Variants in EPHA5 observed in about 807,000 individuals in gnomAD.
EPHA5 encodes the protein EPH receptor A5.
EPHA5 carries 60 observed loss-of-function variants against 105.0 expected under a neutral mutation model. The observed-to-expected ratio is 0.57, with a 90% CI of 0.46 to 0.71. The LOEUF (loss-of-function observed/expected upper bound fraction) is 0.71, where lower values mean the gene tolerates loss of function less well. Among genes scored for constraint, EPHA5 ranks in the 30% least tolerant of loss-of-function variants. The probability of loss-of-function intolerance (pLI) is 0.00; values close to 1 mark genes in which losing one functional copy is unlikely to be tolerated. For missense variants in EPHA5, 1,218 were observed against 1,274.7 expected (o/e 0.96, Z 0.68); for synonymous variants, 513 against 449.1 (o/e 1.14, Z -1.80).
chr4:65,552,433 T>A (rs1184817398), intron 3 of EPHA5, among the ~76,000 whole-genome samples: 1 of 152,172 alleles, frequency 6.6e-6, no homozygotes, highest in African/African-American at 2.4e-5. Context: ...GAAAATCAGA[T>A]AATTTTCTGG....
At chr4:65,560,446 G>T (rs866550045) in intron 3 of EPHA5, among the ~76,000 whole-genome samples, 1 of 151,992 alleles carries the variant, frequency 6.6e-6, no homozygotes, top group African/African-American at 2.4e-5. Context: ...TTGTTCTGAA[G>T]ATCTTTTCAA....
intron 5 of EPHA5, among the ~76,000 whole-genome samples, chr4:65,448,763 A>T (rs1288398249): frequency 6.6e-6 from 1 of 152,210 alleles, no homozygotes; most frequent in Admixed American, 6.6e-5. Flanking sequence ...ATGTGAGTGT[A>T]TTATATATTA....
At chr4:65,543,756 A>G (rs1009984970) in intron 3 of EPHA5, among the ~76,000 whole-genome samples, 47 of 151,914 alleles carry the variant, frequency 3.1e-4, no homozygotes, top group African/African-American at 1.1e-3. Flanking sequence ...AAAAGAGCCT[A>G]CATAGCCAAG....
chr4:65,557,233 G>GAGATAT (rs1553938489), intron 3 of EPHA5, among the ~76,000 whole-genome samples: 2 of 90,944 alleles, frequency 2.2e-5, no homozygotes, highest in South Asian at 4.3e-4. Context: ...TTTATACTGG[G>GAGATAT]ATATATATAT....
intron 5 of EPHA5, among the ~76,000 whole-genome samples, chr4:65,466,456 G>A (rs139363629): frequency 9.2e-5 from 14 of 152,308 alleles, no homozygotes; most frequent in Non-Finnish European, 1.9e-4. Flanking sequence ...GTAAGATGGC[G>A]AGTCATTAGA....
At chr4:65,512,128 C>T (rs1733685256) in intron 3 of EPHA5, among the ~76,000 whole-genome samples, 2 of 152,086 alleles carry the variant, frequency 1.3e-5, no homozygotes. Flanking sequence ...GGGTCATAGT[C>T]TGCCTGAATG....
At chr4:65,491,414 A>T (rs1300343322) in intron 4 of EPHA5, among the ~76,000 whole-genome samples, 1 of 152,100 alleles carries the variant, frequency 6.6e-6, no homozygotes. Flanking sequence ...TTTAAAAATA[A>T]CCCTGAAAAG....
intron 8 of EPHA5, among the ~76,000 whole-genome samples, chr4:65,374,930 G>C (rs1718842805): frequency 6.6e-6 from 1 of 151,778 alleles, no homozygotes; most frequent in Non-Finnish European, 1.5e-5. Context: ...GACTCTCCTA[G>C]ATAAATGATT....
intron 8 of EPHA5, among the ~76,000 whole-genome samples, chr4:65,396,346 T>C (rs950481921): frequency 6.6e-6 from 1 of 152,192 alleles, no homozygotes; most frequent in Non-Finnish European, 1.5e-5. Context: ...CTGACAGTTA[T>C]ATAGAAGCCT....
intron 8 of EPHA5, among the ~76,000 whole-genome samples, chr4:65,386,993 A>G (rs556457220): frequency 7.9e-5 from 12 of 152,090 alleles, no homozygotes; most frequent in African/African-American, 2.9e-4. Flanking sequence ...GTGAAGAAGC[A>G]AGACGTCTTG....
At chr4:65,554,290 A>G (rs1738194840) in intron 3 of EPHA5, among the ~76,000 whole-genome samples, 1 of 149,444 alleles carries the variant, frequency 6.7e-6, no homozygotes. Flanking sequence ...TATCTTTTCC[A>G]TTTTATGTTG....
intron 11 of EPHA5, among the ~76,000 whole-genome samples, chr4:65,354,138 A>G (rs1303987133): frequency 6.6e-6 from 1 of 151,762 alleles, no homozygotes; most frequent in Admixed American, 6.6e-5. Context: ...TGTTGCGAGT[A>G]TCTGCTAAGT....
chr4:65,515,369 A>G (rs1362351022), intron 3 of EPHA5, among the ~76,000 whole-genome samples: 2 of 152,182 alleles, frequency 1.3e-5, no homozygotes, highest in African/African-American at 4.8e-5. Context: ...CAGCTTACCA[A>G]TTCTACGAAT....
chr4:65,468,500 C>T (rs1051314636), intron 5 of EPHA5, among the ~76,000 whole-genome samples: 1 of 142,290 alleles, frequency 7.0e-6, no homozygotes, highest in African/African-American at 2.6e-5. Context: ...TGTATACACA[C>T]ACACACACCT....
At chr4:65,347,361 C>T (rs1722322407) in intron 14 of EPHA5, among the ~76,000 whole-genome samples, 1 of 151,992 alleles carries the variant, frequency 6.6e-6, no homozygotes, top group African/African-American at 2.4e-5. Context: ...ATGAAATTTC[C>T]ATATGATCCA....
At chr4:65,650,111 T>C (rs541101217) in intron 1 of EPHA5, among the ~76,000 whole-genome samples, 1 of 152,326 alleles carries the variant, frequency 6.6e-6, no homozygotes, top group African/African-American at 2.4e-5. Context: ...TAAAACTGAC[T>C]GCTGGTTCTT....
intron 5 of EPHA5, among the ~76,000 whole-genome samples, chr4:65,449,583 G>A (rs1462234242): frequency 2.6e-5 from 4 of 152,156 alleles, no homozygotes; most frequent in Non-Finnish European, 4.4e-5. Context: ...CAATTATATA[G>A]TGAAGTTGAT....
chr4:65,506,352 T>C (rs1733022285), intron 3 of EPHA5, among the ~76,000 whole-genome samples: 1 of 147,788 alleles, frequency 6.8e-6, no homozygotes, highest in Admixed American at 6.8e-5. Context: ...TATAATCCTT[T>C]GGGTATATAC....
intron 16 of EPHA5, among the ~76,000 whole-genome samples, chr4:65,327,722 T>C (rs559369120): frequency 2.5e-4 from 38 of 151,394 alleles, no homozygotes; most frequent in East Asian, 1.9e-4. Context: ...TTGAAATGCA[T>C]CTTAATATTT....
Sources: allele counts gnomAD v4.1 joint callset (sites outside exome capture counted in the v4.1 genomes callset), GRCh38; gene constraint gnomAD v4.1.1; transcripts MANE v1.5; gene names NCBI Gene and HGNC (gene_info 2026-07-23, HGNC 2026-07-21).